The following UBE2N variants were observed in gnomAD, a reference collection of about 807,000 sequenced individuals.
UBE2N encodes ubiquitin-conjugating enzyme E2 N.
For synonymous variants in UBE2N, 70 were observed against 69.2 expected, an observed-to-expected ratio of 1.01 and a Z score of -0.06; for missense variants, 60 against 192.1, an observed-to-expected ratio of 0.31 and a Z score of 4.07.
At chr12:93,415,310 A>G (rs1878171390) in intron 1 of UBE2N, among the ~76,000 whole-genome samples, 1 of 152,244 alleles carries the variant, frequency 6.6e-6, no homozygotes, top group African/African-American at 2.4e-5. Flanking sequence ...GCACAGTAAT[A>G]TACTGAAATA....
chr12:93,412,976 G>A (rs1240969505), intron 1 of UBE2N, among the ~76,000 whole-genome samples: 1 of 152,196 alleles, frequency 6.6e-6, no homozygotes, highest in African/African-American at 2.4e-5. Flanking sequence ...TCTAAGAGAA[G>A]TTACTATTTA....
intron 1 of UBE2N, among the ~76,000 whole-genome samples, chr12:93,412,275 C>G (rs546121778): frequency 1.3e-4 from 20 of 152,296 alleles, no homozygotes; most frequent in Non-Finnish European, 2.8e-4. Flanking sequence ...CCCATCCTCA[C>G]TTGTGGCTGA....
chr12:93,421,175 G>A (rs907098243), intron 1 of UBE2N, among the ~76,000 whole-genome samples: 1 of 123,636 alleles, frequency 8.1e-6, no homozygotes, highest in Non-Finnish European at 1.7e-5. Flanking sequence ...GTTTCAGGAT[G>A]TGTTTCTTAA....
At chr12:93,439,913 A>G (rs1321210010) in intron 1 of UBE2N, among the ~76,000 whole-genome samples, 1 of 152,202 alleles carries the variant, frequency 6.6e-6, no homozygotes, top group Non-Finnish European at 1.5e-5. Context: ...TCAACAGCAA[A>G]ATGTAAATGC....
intron 1 of UBE2N, among the ~76,000 whole-genome samples, chr12:93,438,494 CAGTGG>C (rs1164288364): frequency 6.6e-6 from 1 of 151,782 alleles, no homozygotes; most frequent in Non-Finnish European, 1.5e-5. Context: ...AGTGTGGCTA[CAGTGG>C]AGTGACCCAG....
chr12:93,429,664 T>C (rs1878699928), intron 1 of UBE2N, among the ~76,000 whole-genome samples: 1 of 151,882 alleles, frequency 6.6e-6, no homozygotes, highest in South Asian at 2.1e-4. Flanking sequence ...GCTCCATGTG[T>C]GTTACTGCCC....
chr12:93,412,907 T>C (rs536360203), intron 1 of UBE2N, among the ~76,000 whole-genome samples: 1 of 152,338 alleles, frequency 6.6e-6, no homozygotes, highest in East Asian at 1.9e-4. Context: ...TATTGATTTC[T>C]TTATTATGGC....
intron 1 of UBE2N, among the ~76,000 whole-genome samples, chr12:93,432,544 G>A (rs1878803011): frequency 6.7e-6 from 1 of 150,072 alleles, no homozygotes; most frequent in Non-Finnish European, 1.5e-5. Flanking sequence ...ATAATCTTAA[G>A]AAAGTTACAG....
chr12:93,416,134 C>T (rs1878200045), intron 1 of UBE2N, among the ~76,000 whole-genome samples: 1 of 152,154 alleles, frequency 6.6e-6, no homozygotes. Context: ...AATTATTTCA[C>T]TAAACTGTTG....
At chr12:93,422,144 T>C (rs981152870) in intron 1 of UBE2N, among the ~76,000 whole-genome samples, 1 of 152,178 alleles carries the variant, frequency 6.6e-6, no homozygotes, top group African/African-American at 2.4e-5. Context: ...CAGCTAAAGA[T>C]GGTGTCAACT....
At chr12:93,440,353 C>T (rs73366084) in intron 1 of UBE2N, among the ~76,000 whole-genome samples, 4,126 of 152,234 alleles carry the variant, frequency 0.027, 192 homozygotes, top group African/African-American at 0.094. Flanking sequence ...CTAGATAAAT[C>T]CACACACAAC....
At chr12:93,437,479 C>T (rs1878968685) in intron 1 of UBE2N, among the ~76,000 whole-genome samples, 1 of 152,028 alleles carries the variant, frequency 6.6e-6, no homozygotes, top group Non-Finnish European at 1.5e-5. Context: ...TTGCTCTGGT[C>T]TTCTTGTAAG....
chr12:93,410,515 A>G (rs1181968147), intron 3 of UBE2N: 9 of 641,960 alleles, frequency 1.4e-5, no homozygotes, highest in African/African-American at 3.7e-5. Flanking sequence ...AGGTGTAGTT[A>G]CAAGAGACTC....
chr12:93,426,587 T>G (rs542556975), intron 1 of UBE2N, among the ~76,000 whole-genome samples: 3 of 152,160 alleles, frequency 2.0e-5, no homozygotes, highest in Admixed American at 2.0e-4. Flanking sequence ...CTGACAAGTC[T>G]GAAGTCAAGC....
intron 1 of UBE2N, among the ~76,000 whole-genome samples, chr12:93,422,259 A>T (rs1381379886): frequency 2.6e-5 from 4 of 152,118 alleles, no homozygotes; most frequent in African/African-American, 9.7e-5. Flanking sequence ...TCCATTTTCT[A>T]TGGTTCCTGA....
chr12:93,416,769 C>T (rs369696370), intron 1 of UBE2N, among the ~76,000 whole-genome samples: 240 of 147,812 alleles, frequency 1.6e-3, no homozygotes, highest in African/African-American at 4.3e-3. Context: ...AATCCCTGCA[C>T]TTTGGGAGGC....
rs2121045734 is a variant in UBE2N, at chr12:93,407,667, C to T, written c.*2372G>A. The T allele has an allele frequency of 6.6e-6, 1 of 152,320 alleles. No homozygotes were observed. The highest frequency in any genetic ancestry group is 2.1e-4 in the South Asian group (1 of 4,818). The allele number at this position is 152,320 out of a possible 1,614,324, so 9.4% of individuals were successfully genotyped here. ...AAAAGTTACCCGAATTCTGGATTTT[C>T]ATGCAAATCTCCCAATTTTTAAAAA... On this transcript the variant is annotated 3_prime_UTR_variant, in exon 4 of 4. Transcript: ENST00000318066.
intron 1 of UBE2N, among the ~76,000 whole-genome samples, chr12:93,425,248 T>C (rs1878544573): frequency 6.6e-6 from 1 of 152,214 alleles, no homozygotes; most frequent in Non-Finnish European, 1.5e-5. Flanking sequence ...AGATTCTTTG[T>C]TCCTGCCATA....
At chr12:93,416,886 A>AT (rs1459836333) in intron 1 of UBE2N, among the ~76,000 whole-genome samples, 1 of 150,118 alleles carries the variant, frequency 6.7e-6, no homozygotes, top group Non-Finnish European at 1.5e-5. Flanking sequence ...AAGTTGACAA[A>AT]TGAGATCACA....
Sources: allele counts gnomAD v4.1 joint callset (sites outside exome capture counted in the v4.1 genomes callset), GRCh38; gene constraint gnomAD v4.1.1; transcripts MANE v1.5; gene names NCBI Gene and HGNC (gene_info 2026-07-23, HGNC 2026-07-21).